Variants in GORASP2 observed in about 807,000 individuals in gnomAD.
GORASP2 encodes the protein golgi reassembly stacking protein 2.
Under a neutral mutation model 45.7 loss-of-function variants are expected in GORASP2, and 22 were observed. The ratio of observed to expected loss-of-function variants is 0.48; its 90% confidence interval spans 0.34 to 0.69. The LOEUF is 0.69. GORASP2 is among the 30% of genes least tolerant of loss of function. The pLI is 0.01. For synonymous variants in GORASP2, 221 were observed against 215.6 expected, an observed-to-expected ratio of 1.02 and a Z score of -0.22; for missense variants, 491 against 562.7, an observed-to-expected ratio of 0.87 and a Z score of 1.29.
chr2:170,940,973 T>C (rs1704063377), intron 1 of GORASP2, among the ~76,000 whole-genome samples: 1 of 152,204 alleles, frequency 6.6e-6, no homozygotes, highest in South Asian at 2.1e-4. Context: ...CAGCTTCTAA[T>C]CATTGATGCA....
chr2:170,965,820 G>T lies in GORASP2; in HGVS notation c.1049G>T (p.Arg350Leu), dbSNP rs763981390. The change falls in exon 10 of 10, where the codon CGA becomes CTA. Residue 350 changes from arginine (R) to leucine (L), a missense_variant. Arg to Leu is a moderately radical substitution (Grantham distance 102, BLOSUM62 -2). This residue lies in a region of GORASP2 where 297 missense variants were observed against 292.3 expected (regional missense o/e 1.02). Transcript: ENST00000234160. ...CCACCTCTTCCTTCCATGCCTCCCC[G>T]AAACTTACCTGGCATTGCACCTCTC... ...GLPPLPSMPPRNLPGIAPLPL... is the reference protein window; with the variant it reads ...GLPPLPSMPPLNLPGIAPLPL... 1 of 1,613,782 alleles carries T rather than the reference G, an allele frequency of 6.2e-7. No homozygotes were observed. The highest frequency in any genetic ancestry group is 8.5e-7 in the Non-Finnish European group (1 of 1,179,964).
intron 7 of GORASP2, among the ~76,000 whole-genome samples, chr2:170,959,540 T>C (rs1234551650): frequency 6.6e-6 from 1 of 152,184 alleles, no homozygotes; most frequent in African/African-American, 2.4e-5. Context: ...TGTTCTAGCA[T>C]CACAACACGT....
intron 1 of GORASP2, among the ~76,000 whole-genome samples, chr2:170,947,515 C>T (rs1314694317): frequency 6.6e-6 from 1 of 152,136 alleles, no homozygotes; most frequent in Non-Finnish European, 1.5e-5. Flanking sequence ...AACCTTATAC[C>T]AAATAGCCTT....
At position 170,966,269 on chromosome 2, in the gene GORASP2, CGAG is replaced by C. The variant is rs2105332396; in HGVS notation, c.*142_*144del. The C allele has an allele frequency of 1.5e-6, 1 of 683,200 alleles. No individual in the cohort carries two copies. The highest frequency in any genetic ancestry group is 2.7e-5 in the East Asian group (1 of 36,836). The allele number at this position is 683,200 out of a possible 1,614,324, so 42.3% of individuals were successfully genotyped here. ...AAATAATTCCAAGGGGAAAACTAAA[CGAG>C]GACGTGGGTTGTATCCTGCCAGGTT... On this transcript the variant is annotated 3_prime_UTR_variant, in exon 10 of 10. Transcript: ENST00000234160.
At chr2:170,935,943 C>T (rs906580989) in intron 1 of GORASP2, among the ~76,000 whole-genome samples, 9 of 152,126 alleles carry the variant, frequency 5.9e-5, no homozygotes, top group African/African-American at 1.9e-4. Context: ...TCAGGATTCT[C>T]ACTGGGGGAG....
rs1704294993 is a variant in GORASP2 at position 170,951,379 on chromosome 2, CTG to C, written c.489_490del (p.Tyr164CysfsTer7). ...AACACATGAAGCAAAACCATTGAAA[CTG>C]TATGTGTACAACACAGACACTGATA... is the stretch of plus-strand genomic sequence containing the variant. ...IETHEAKPLK[L>X]YVYNTDTDNC... On this transcript the variant is annotated frameshift_variant, in exon 5 of 10. Coordinates refer to ENST00000234160, the MANE Select transcript of GORASP2 (RefSeq NM_015530.5). LOFTEE classifies it high-confidence loss of function. 3.1e-6 allele frequency: 5 copies of C among 1,608,244 alleles called. No homozygotes were observed. The highest frequency in any genetic ancestry group is 1.7e-5 in the Admixed American group (1 of 59,424).
chr2:170,929,863 G>A (rs1703776541), intron 1 of GORASP2: 1 of 448,216 alleles, frequency 2.2e-6, no homozygotes, highest in Non-Finnish European at 4.6e-6. Context: ...TGCGGCGGCA[G>A]GTGTTAAATC....
intron 7 of GORASP2, among the ~76,000 whole-genome samples, chr2:170,959,821 CTT>C (rs35210942): frequency 3.2e-5 from 4 of 124,546 alleles, no homozygotes; most frequent in Admixed American, 9.0e-5. Flanking sequence ...TCACCTTTTT[CTT>C]TTTTTTTTTT....
chr2:170,939,940 G>T (rs1483751275), intron 1 of GORASP2, among the ~76,000 whole-genome samples: 1 of 152,166 alleles, frequency 6.6e-6, no homozygotes, highest in Non-Finnish European at 1.5e-5. Flanking sequence ...TGCTTGGATT[G>T]AATTTATTTT....
At chr2:170,948,698 G>C (rs1253773620) in intron 2 of GORASP2, 1 of 219,462 alleles carries the variant, frequency 4.6e-6, no homozygotes, top group Non-Finnish European at 8.8e-6. Flanking sequence ...AAATAATTAA[G>C]ATGTAAAAGA....
intron 5 of GORASP2, among the ~76,000 whole-genome samples, chr2:170,952,341 T>C (rs1199408594): frequency 6.6e-6 from 1 of 152,232 alleles, no homozygotes; most frequent in Non-Finnish European, 1.5e-5. Context: ...TTGATGTGTT[T>C]AATACTGTCA....
intron 6 of GORASP2, among the ~76,000 whole-genome samples, chr2:170,955,572 C>T (rs1199645989): frequency 6.6e-6 from 1 of 152,234 alleles, no homozygotes; most frequent in Non-Finnish European, 1.5e-5. Context: ...AAGGCTGCTG[C>T]CACTGTGGTT....
chr2:170,965,897 TC>T lies in GORASP2; in HGVS notation c.1127del (p.Ser376LeufsTer39). ...ATTCCCCTTGGTTCCAGAGAGCTCT[TC>T]TGCAGCAAGCTCAGGAGAGCTGCTG... ...PSFPLVPESS[S>X]AASSGELLSS... On this transcript the variant is annotated frameshift_variant, in exon 10 of 10. Transcript: ENST00000234160. LOFTEE classifies it high-confidence loss of function. The T allele has an allele frequency of 6.2e-7, 1 of 1,613,648 alleles. No homozygotes were observed. The highest frequency in any genetic ancestry group is 8.5e-7 in the Non-Finnish European group (1 of 1,179,720).
At chr2:170,963,687 G>A (rs1297087178) in intron 9 of GORASP2, among the ~76,000 whole-genome samples, 2 of 151,974 alleles carry the variant, frequency 1.3e-5, no homozygotes, top group East Asian at 1.9e-4. Flanking sequence ...TATCACCCAG[G>A]CTGGAGTGCA....
At chr2:170,963,009 A>G in intron 9 of GORASP2, 63 bp downstream of exon 9, 8 of 1,055,930 alleles carry the variant, frequency 7.6e-6, no homozygotes, top group Non-Finnish European at 1.2e-5. Context: ...AGGAATGCCC[A>G]TCCTCTTCAG....
In GORASP2 at chr2:170,964,623, A is replaced by T. The variant is rs185919417; in HGVS notation, c.1019-1167A>T. Reference sequence around the variant, plus strand: ...AGCTGAGGTCGCACCACTGCACTCCAGCCTGGGTGACAGAATGAGACTCCG... The same window carrying T: ...AGCTGAGGTCGCACCACTGCACTCCTGCCTGGGTGACAGAATGAGACTCCG... On this transcript the variant is annotated intron_variant, in intron 9 of 9. Transcript: ENST00000234160. Among the ~76,000 whole-genome samples, 751 of 152,260 alleles carry T rather than the reference A, an allele frequency of 4.9e-3. 6 individuals are homozygous for T. The highest frequency in any genetic ancestry group is 0.017 in the African/African-American group (698 of 41,544).
intron 1 of GORASP2, among the ~76,000 whole-genome samples, chr2:170,942,550 T>C (rs778803304): frequency 2.0e-5 from 3 of 152,256 alleles, no homozygotes; most frequent in Non-Finnish European, 2.9e-5. Context: ...ATAGCGTGCA[T>C]TGGTACTTCA....
upstream of GORASP2, chr2:170,928,762 T>TA (rs1401358522): frequency 1.3e-5 from 2 of 152,204 alleles, no homozygotes; most frequent in Non-Finnish European, 2.9e-5. Flanking sequence ...AGGGAGCGTT[T>TA]CCTTTTATAA....
intron 7 of GORASP2, among the ~76,000 whole-genome samples, chr2:170,959,326 C>T (rs1416892528): frequency 6.6e-6 from 1 of 152,212 alleles, no homozygotes; most frequent in Non-Finnish European, 1.5e-5. Context: ...TTCTCTTCGA[C>T]ATTTTAAATC....
Sources: allele counts gnomAD v4.1 joint callset (sites outside exome capture counted in the v4.1 genomes callset), GRCh38; gene constraint gnomAD v4.1.1; regional missense constraint gnomAD v4.1.1; transcripts MANE v1.5; gene names NCBI Gene and HGNC (gene_info 2026-07-23, HGNC 2026-07-21).